PRKN: variants seen among roughly 807,000 people sequenced by gnomAD.
The protein encoded by PRKN is parkin RBR E3 ubiquitin protein ligase, also known as E3 ubiquitin-protein ligase parkin.
PRKN carries 56 observed loss-of-function variants against 59.5 expected under a neutral mutation model. The observed-to-expected ratio is 0.94, with a 90% CI of 0.76 to 1.18. The LOEUF is 1.18. PRKN is among the 50% of genes most tolerant of loss of function. The probability of loss-of-function intolerance (pLI) is 0.00; values close to 1 mark genes in which losing one functional copy is unlikely to be tolerated. For missense variants in PRKN, 657 were observed against 596.4 expected, an observed-to-expected ratio of 1.10 and a Z score of -1.06; for synonymous variants, 250 against 222.1, an observed-to-expected ratio of 1.13 and a Z score of -1.12.
chr6:162,459,168 A>G (rs1263886835), intron 1 of PRKN, among the ~76,000 whole-genome samples: 2 of 152,190 alleles, frequency 1.3e-5, no homozygotes, highest in Admixed American at 6.5e-5. Context: ...TGATTCATGC[A>G]TTAAAAATAT....
chr6:162,174,925 T>C (rs1783461925), intron 4 of PRKN, among the ~76,000 whole-genome samples: 1 of 152,194 alleles, frequency 6.6e-6, no homozygotes, highest in South Asian at 2.1e-4. Flanking sequence ...TAGAACCATA[T>C]TGTGCTACAG....
chr6:162,504,986 G>C (rs955766879), intron 1 of PRKN, among the ~76,000 whole-genome samples: 6 of 152,154 alleles, frequency 3.9e-5, no homozygotes, highest in Non-Finnish European at 7.4e-5. Context: ...ACATGGCAAG[G>C]CTGCCCCATC....
At chr6:162,081,999 G>A (rs1190826275) in intron 4 of PRKN, among the ~76,000 whole-genome samples, 1 of 152,052 alleles carries the variant, frequency 6.6e-6, no homozygotes, top group Non-Finnish European at 1.5e-5. Flanking sequence ...AACTTTTCTT[G>A]TGCAGCTTCC....
At chr6:162,640,361 A>G (rs1467130628) in intron 1 of PRKN, among the ~76,000 whole-genome samples, 3 of 152,154 alleles carry the variant, frequency 2.0e-5, no homozygotes, top group Non-Finnish European at 4.4e-5. Context: ...TTACCCAAAT[A>G]ACTATATTGC....
At chr6:162,430,664 T>C (rs1183652140) in intron 2 of PRKN, among the ~76,000 whole-genome samples, 2 of 152,058 alleles carry the variant, frequency 1.3e-5, no homozygotes, top group African/African-American at 2.4e-5. Context: ...TCATTGATCC[T>C]AAAAATAAAT....
chr6:161,994,938 A>C (rs1408618447), intron 5 of PRKN, among the ~76,000 whole-genome samples: 1 of 151,022 alleles, frequency 6.6e-6, no homozygotes, highest in Non-Finnish European at 1.5e-5. Context: ...AAAAAAAAAC[A>C]GTCCTAAAAT....
intron 2 of PRKN, among the ~76,000 whole-genome samples, chr6:162,329,777 A>C (rs2128124457): frequency 6.6e-6 from 1 of 152,340 alleles, no homozygotes; most frequent in Admixed American, 6.5e-5. Context: ...TTTTGGTAGA[A>C]TAAAATAAAT....
chr6:162,092,077 C>T (rs1391283924), intron 4 of PRKN, among the ~76,000 whole-genome samples: 2 of 152,090 alleles, frequency 1.3e-5, no homozygotes, highest in Non-Finnish European at 2.9e-5. Flanking sequence ...ACTAATAGGC[C>T]AGGTGCAGTG....
At chr6:162,446,055 GA>G in intron 1 of PRKN, among the ~76,000 whole-genome samples, 1 of 152,254 alleles carries the variant, frequency 6.6e-6, no homozygotes, top group East Asian at 1.9e-4. Context: ...AATTACGGAG[GA>G]AAAGGTGCTT....
chr6:162,293,455 C>T (rs1443537433), intron 2 of PRKN, among the ~76,000 whole-genome samples: 1 of 152,180 alleles, frequency 6.6e-6, no homozygotes, highest in Non-Finnish European at 1.5e-5. Context: ...TGGAAACTTG[C>T]TGAGTTCTCG....
intron 2 of PRKN, among the ~76,000 whole-genome samples, chr6:162,434,796 C>T (rs536920345): frequency 6.6e-6 from 1 of 152,276 alleles, no homozygotes; most frequent in South Asian, 2.1e-4. Context: ...ATGTATTCAT[C>T]ATAAGTGAGT....
rs892879207 is a variant in PRKN at position 162,199,731 on chromosome 6, C to G, written c.534+1400G>C. 3.9e-5 allele frequency among the ~76,000 whole-genome samples: 6 copies of G among 152,288 alleles called. No individual in the cohort carries two copies. In the South Asian group the frequency reaches 1.2e-3, roughly 32 times the overall value. On this transcript the variant is annotated intron_variant, in intron 4 of 11. Transcript: ENST00000366898. Reference sequence around the variant, plus strand: ...GCTTTGACTCTATAAATGAATTTCTCTAGACAGCTGAAATGTTCATCAAAG... The same window carrying G: ...GCTTTGACTCTATAAATGAATTTCTGTAGACAGCTGAAATGTTCATCAAAG...
intron 1 of PRKN, among the ~76,000 whole-genome samples, chr6:162,658,829 A>C (rs1778768314): frequency 6.6e-6 from 1 of 152,164 alleles, no homozygotes; most frequent in Admixed American, 6.5e-5. Flanking sequence ...AATTGCAAGT[A>C]CAACTCAAGA....
At chr6:162,531,285 G>C (rs529329612) in intron 1 of PRKN, among the ~76,000 whole-genome samples, 4 of 152,070 alleles carry the variant, frequency 2.6e-5, no homozygotes, top group Non-Finnish European at 5.9e-5. Flanking sequence ...TTGTGTAACC[G>C]TCAAGGGGTT....
chr6:162,686,931 G>A (rs904520782), intron 1 of PRKN, among the ~76,000 whole-genome samples: 1 of 152,130 alleles, frequency 6.6e-6, no homozygotes, highest in Non-Finnish European at 1.5e-5. Flanking sequence ...TTACAGTATA[G>A]TTCGAAGTCA....
intron 6 of PRKN, among the ~76,000 whole-genome samples, chr6:161,830,283 G>A (rs1230911116): frequency 5.3e-5 from 8 of 149,666 alleles, no homozygotes; most frequent in Admixed American, 6.7e-5. Context: ...ATGGAGTCTC[G>A]CTCTGTTGCC....
chr6:161,369,061 A>T lies in PRKN; in HGVS notation c.1168-8856T>A, dbSNP rs1180713142. On this transcript the variant is annotated intron_variant, in intron 10 of 11. Transcript: ENST00000366898. The surrounding 1 kb of genome is among the most constrained non-coding windows in gnomAD (Gnocchi z 5.8). ...GGGGCAGGAGAAGCAGCTCTATGAC[A>T]CCCCGGGAGTGGGCGGTGCCCAGGC... Among the ~76,000 whole-genome samples, 1 of 151,832 alleles carries T rather than the reference A, an allele frequency of 6.6e-6. No homozygotes were observed. The highest frequency in any genetic ancestry group is 6.6e-5 in the Admixed American group (1 of 15,258).
intron 2 of PRKN, among the ~76,000 whole-genome samples, chr6:162,414,665 C>T (rs575096435): frequency 1.2e-4 from 17 of 142,210 alleles, no homozygotes; most frequent in Admixed American, 5.1e-4. Context: ...GAACCAAGAT[C>T]GCACCACTGC....
Position 162,262,347 on chromosome 6 carries a change from A to C in PRKN, c.412+178T>G, listed in dbSNP as rs937874483. ...GTTTCATAGTACTTACAATAAATGC[A>C]TTCTCAAATGTTACATCAAAGTACT... On this transcript the variant is annotated intron_variant, in intron 3 of 11. Coordinates refer to ENST00000366898, the MANE Select transcript of PRKN (RefSeq NM_004562.3). 24 of 765,858 alleles carry C rather than the reference A, an allele frequency of 3.1e-5. No individual in the cohort carries two copies. The East Asian group carries it at 5.5e-4, about 18-fold the overall frequency. 47.4% of individuals were successfully genotyped at this position (765,858 alleles called of 1,614,324 possible).
Sources: gnomAD v4.1 joint callset for allele counts (sites outside exome capture counted in the v4.1 genomes callset) on GRCh38, gnomAD v4.1.1 for gene constraint, Gnocchi (gnomAD v3.1) non-coding constraint, MANE v1.5 for transcripts, NCBI Gene and HGNC (gene_info 2026-07-23, HGNC 2026-07-21) for gene names.